The following RNF38 variants were observed in gnomAD, a reference collection of about 807,000 sequenced individuals.
RNF38 encodes the protein E3 ubiquitin-protein ligase RNF38.
In RNF38, 15 loss-of-function variants were observed where a neutral mutation model predicts 67.2. The ratio of observed to expected loss-of-function variants is 0.22; its 90% confidence interval spans 0.15 to 0.34. The LOEUF is 0.34. Ranked by LOEUF, RNF38 falls within the 10% of genes least tolerant of loss-of-function variation. The pLI, the probability that RNF38 is intolerant of heterozygous loss-of-function variation, is 1.00. For synonymous variants in RNF38, 220 were observed against 218.8 expected (o/e 1.01, Z -0.05); for missense variants, 524 against 639.9 (o/e 0.82, Z 1.95).
chr9:36,479,498 G>T (rs539045107), intron 1 of RNF38, among the ~76,000 whole-genome samples: 3 of 152,282 alleles, frequency 2.0e-5, no homozygotes, highest in Middle Eastern at 3.4e-3. Flanking sequence ...CTTGGCAGAT[G>T]GGCACAATCA....
chr9:36,361,968 T>C (rs965937274), intron 4 of RNF38, among the ~76,000 whole-genome samples: 7 of 152,184 alleles, frequency 4.6e-5, no homozygotes, highest in Non-Finnish European at 1.0e-4. Context: ...TTACAACTAC[T>C]GCTTGGCTGA....
chr9:36,358,842 T>C (rs1834314178), intron 4 of RNF38, among the ~76,000 whole-genome samples: 1 of 152,124 alleles, frequency 6.6e-6, no homozygotes, highest in Non-Finnish European at 1.5e-5. Flanking sequence ...AAAACCCGTC[T>C]CTACTAAAAA....
At chr9:36,365,662 G>GTTTTTTTTTTTT (rs759974775) in intron 4 of RNF38, among the ~76,000 whole-genome samples, 1 of 103,600 alleles carries the variant, frequency 9.7e-6, no homozygotes, top group Non-Finnish European at 1.7e-5. Context: ...AAGACTGATA[G>GTTTTTTTTTTTT]TTTTTTTTTT....
chr9:36,448,285 T>C (rs375053767), intron 1 of RNF38, among the ~76,000 whole-genome samples: 4 of 152,226 alleles, frequency 2.6e-5, no homozygotes, highest in East Asian at 1.9e-4. Context: ...TGATCAAATA[T>C]AGCAGAATCT....
chr9:36,409,212 GGGAGGGAA>G (rs1366257626), intron 2 of RNF38, among the ~76,000 whole-genome samples: 5 of 149,964 alleles, frequency 3.3e-5, no homozygotes, highest in African/African-American at 9.8e-5. Flanking sequence ...GAGAAAGGGA[GGGAGGGAA>G]GGAGGGAAGG....
At chr9:36,445,151 G>A (rs1192569122) in intron 1 of RNF38, among the ~76,000 whole-genome samples, 6 of 152,126 alleles carry the variant, frequency 3.9e-5, no homozygotes, top group Admixed American at 3.9e-4. Context: ...TTCCATTCTA[G>A]AATGACAGAG....
chr9:36,431,381 G>A (rs1587126062), intron 1 of RNF38, among the ~76,000 whole-genome samples: 1 of 152,266 alleles, frequency 6.6e-6, no homozygotes, highest in Non-Finnish European at 1.5e-5. Flanking sequence ...TAACACAATG[G>A]TATTTGCGTA....
chr9:36,469,295 A>C (rs1313010270), intron 1 of RNF38, among the ~76,000 whole-genome samples: 1 of 151,776 alleles, frequency 6.6e-6, no homozygotes, highest in Non-Finnish European at 1.5e-5. Flanking sequence ...TATTCATTTA[A>C]CATGAATGGT....
intron 1 of RNF38, among the ~76,000 whole-genome samples, chr9:36,394,897 A>C (rs1451314354): frequency 6.6e-6 from 1 of 152,182 alleles, no homozygotes; most frequent in Non-Finnish European, 1.5e-5. Flanking sequence ...TAGGCTGGCA[A>C]CTTTTCAGCA....
At chr9:36,342,774 T>G (rs1832948335) in intron 10 of RNF38, among the ~76,000 whole-genome samples, 1 of 152,190 alleles carries the variant, frequency 6.6e-6, no homozygotes, top group Admixed American at 6.5e-5. Context: ...GATCAAAAGC[T>G]TAAGTGTTAA....
intron 5 of RNF38, among the ~76,000 whole-genome samples, chr9:36,357,156 GAGATTAA>G (rs1171037197): frequency 2.2e-4 from 34 of 152,110 alleles, no homozygotes; most frequent in South Asian, 2.1e-4. Context: ...AGGCTGAACT[GAGATTAA>G]AGATTAAAGG....
intron 2 of RNF38, among the ~76,000 whole-genome samples, chr9:36,379,577 T>A (rs1444010835): frequency 6.6e-6 from 1 of 152,178 alleles, no homozygotes; most frequent in African/African-American, 2.4e-5. Flanking sequence ...GAAAATCACT[T>A]GATGTGTGCT....
intron 1 of RNF38, among the ~76,000 whole-genome samples, chr9:36,433,092 G>A (rs1838971515): frequency 6.6e-6 from 1 of 151,456 alleles, no homozygotes; most frequent in African/African-American, 2.4e-5. Context: ...ATTCACAGTG[G>A]AGATAAGAGA....
At chr9:36,432,741 C>T (rs749320883) in intron 1 of RNF38, among the ~76,000 whole-genome samples, 1 of 151,788 alleles carries the variant, frequency 6.6e-6, no homozygotes, top group Non-Finnish European at 1.5e-5. Flanking sequence ...TGCAGTGAGC[C>T]GAGATCCAGC....
In RNF38 at chr9:36,357,847, A is replaced by G. The variant is rs202228479; in HGVS notation, c.666T>C (p.Ser222=). 40 of 1,613,382 alleles carry G rather than the reference A, an allele frequency of 2.5e-5. No homozygotes were observed. In the Middle Eastern group the frequency reaches 8.3e-4, roughly 33 times the overall value. The change falls in exon 5 of 12, where the codon AGT becomes AGC. Residue 222 remains serine (S), a synonymous_variant. Coordinates refer to ENST00000259605, the MANE Select transcript of RNF38 (RefSeq NM_022781.5). ...CAGAGCATCCTGGGACCTGCTGTGT[A>G]CTACAAGCAGGGATGTGCTGGCCTG... ...LCTGQHIPAC[S]TQQVPGCSVV... is the part of the protein sequence containing the mutation.
chr9:36,388,378 T>C (rs1836805172), intron 2 of RNF38, among the ~76,000 whole-genome samples: 1 of 152,146 alleles, frequency 6.6e-6, no homozygotes, highest in Admixed American at 6.5e-5. Context: ...AAAAGAAGTC[T>C]TGACTAGGAG....
intron 1 of RNF38, among the ~76,000 whole-genome samples, chr9:36,453,047 C>T (rs1839495401): frequency 6.6e-6 from 1 of 152,048 alleles, no homozygotes; most frequent in Admixed American, 6.6e-5. Context: ...CACAGTAATT[C>T]TATATTAAAC....
intron 2 of RNF38, among the ~76,000 whole-genome samples, chr9:36,378,856 G>A (rs12379930): frequency 0.19 from 28,370 of 151,930 alleles, 3,222 homozygotes; most frequent in Non-Finnish European, 0.26. Flanking sequence ...ACAAAGAATG[G>A]GAAGTGAAGG....
chr9:36,367,481 A>G (rs948154881), intron 4 of RNF38, among the ~76,000 whole-genome samples: 2 of 152,270 alleles, frequency 1.3e-5, no homozygotes, highest in Admixed American at 1.3e-4. Flanking sequence ...AGATTTCCTA[A>G]TACTGAACCC....
Sources: allele counts gnomAD v4.1 joint callset (sites outside exome capture counted in the v4.1 genomes callset), GRCh38; gene constraint gnomAD v4.1.1; transcripts MANE v1.5; gene names NCBI Gene and HGNC (gene_info 2026-07-23, HGNC 2026-07-21).